The following NLRC5 variants were observed in gnomAD, a reference collection of about 807,000 sequenced individuals.
The protein encoded by NLRC5 is protein NLRC5.
Under a neutral mutation model 206.9 loss-of-function variants are expected in NLRC5, and 114 were observed. The ratio of observed to expected loss-of-function variants is 0.55; its 90% CI spans 0.47 to 0.64. The LOEUF is 0.64. NLRC5 is among the 30% of genes least tolerant of loss of function. The pLI is 0.00. For missense variants in NLRC5, 2,008 were observed against 2,305.5 expected (o/e 0.87, Z 2.64); for synonymous variants, 952 against 962.8 (o/e 0.99, Z 0.21).
Position 57,037,297 on chromosome 16 carries a change from T to C in NLRC5, c.2801+13T>C, listed in dbSNP as rs9926871. 0.11 allele frequency: 170,996 copies of C among 1,606,736 alleles called. 10,319 individuals are homozygous for C. The highest frequency in any genetic ancestry group is 0.21 in the African/African-American group (15,876 of 74,230). On this transcript the variant is annotated intron_variant, in intron 15 of 48. Transcript: ENST00000688547. ...AGCTGCACATCAGGTGGGAGCTCCC[T>C]CAGACCACGGTACCCATCCCCCCCC... is the stretch of plus-strand genomic sequence containing the variant.
intron 23 of NLRC5, chr16:57,047,917 C>T (rs2064223313): frequency 4.3e-6 from 2 of 461,514 alleles, no homozygotes; most frequent in East Asian, 7.2e-5. Context: ...ACCTCCAACC[C>T]CACCCCTGGA....
intron 1 of NLRC5, among the ~76,000 whole-genome samples, chr16:56,993,964 T>TAA (rs11392865): frequency 0.26 from 35,055 of 137,270 alleles, 5,281 homozygotes; most frequent in East Asian, 0.47. Context: ...CTGTTTTTTG[T>TAA]AAAAAAAAAA....
intron 1 of NLRC5, among the ~76,000 whole-genome samples, chr16:57,014,683 C>T (rs540107957): frequency 2.0e-5 from 3 of 152,198 alleles, no homozygotes; most frequent in South Asian, 4.1e-4. Flanking sequence ...TTTCTGTGGT[C>T]GAAGGCAAGT....
chr16:57,025,238 C>G, intron 5 of NLRC5, 130 bp from the exon 6 acceptor site: 1 of 1,441,020 alleles, frequency 6.9e-7, no homozygotes, highest in Non-Finnish European at 9.1e-7. Flanking sequence ...GCTCTTGACA[C>G]CCCCACCCTC....
chr16:57,017,458 A>G (rs1397563806), intron 2 of NLRC5, among the ~76,000 whole-genome samples: 1 of 152,224 alleles, frequency 6.6e-6, no homozygotes, highest in Non-Finnish European at 1.5e-5. Context: ...TCAAGGTCAC[A>G]CTATGAGTGT....
At chr16:57,067,569 G>T in intron 35 of NLRC5, 99 bp downstream of exon 35, 1 of 1,417,036 alleles carries the variant, frequency 7.1e-7, no homozygotes, top group South Asian at 1.2e-5. Context: ...ACTTCCTTGT[G>T]CAGGAGAAAA....
chr16:57,031,511 T>C (rs777623313), intron 11 of NLRC5, 48 bp downstream of exon 11: 11 of 1,596,640 alleles, frequency 6.9e-6, no homozygotes, highest in African/African-American at 4.0e-5. Context: ...TAGAAGCAAC[T>C]TGGGCTCAGG....
chr16:57,031,771 A>G (rs529713897), intron 11 of NLRC5, among the ~76,000 whole-genome samples: 22 of 148,342 alleles, frequency 1.5e-4, no homozygotes, highest in Non-Finnish European at 2.2e-4. Context: ...AACTCTGGAA[A>G]AGCCCTTACA....
At chr16:56,996,608 CA>C (rs544211333) in intron 1 of NLRC5, among the ~76,000 whole-genome samples, 1 of 151,636 alleles carries the variant, frequency 6.6e-6, no homozygotes, top group Non-Finnish European at 1.5e-5. Flanking sequence ...TCAGATAAGT[CA>C]AAAAAAATCT....
At chr16:57,011,238 C>G (rs1281304247) in intron 1 of NLRC5, among the ~76,000 whole-genome samples, 3 of 151,392 alleles carry the variant, frequency 2.0e-5, no homozygotes, top group Non-Finnish European at 4.4e-5. Context: ...TATGGTGAAA[C>G]CCCGTCTCTA....
At chr16:56,992,864 AAATT>A (rs2057077819) in intron 1 of NLRC5, among the ~76,000 whole-genome samples, 2 of 140,972 alleles carry the variant, frequency 1.4e-5, no homozygotes, top group Admixed American at 1.4e-4. Flanking sequence ...CGTTAAAGGG[AAATT>A]AAATCTTATT....
chr16:57,070,489 G>A, intron 37 of NLRC5, 46 bp from the exon 38 acceptor site: 1 of 1,552,414 alleles, frequency 6.4e-7, no homozygotes, highest in Non-Finnish European at 8.9e-7. Context: ...CAGCTCCAGG[G>A]CTGGGCAGGC....
At position 57,074,596 on chromosome 16, in the gene NLRC5, C is replaced by G. The variant is rs534923582; in HGVS notation, c.4668-4C>G. ...TCAAGTTCACCTGGCCTCCTCTTCT[C>G]CAGCCTCAGTCACCTTCTGCTGAAC... is the stretch of plus-strand genomic sequence containing the variant. On this transcript the variant is annotated splice_polypyrimidine_tract_variant and splice_region_variant and intron_variant, in intron 38 of 48. Transcript: ENST00000688547. 1.9e-6 allele frequency: 3 copies of G among 1,613,816 alleles called. No homozygotes were observed. The East Asian group carries it at 6.7e-5, about 36-fold the overall frequency.
At chr16:57,071,257 G>T (rs1328367627) in intron 38 of NLRC5, among the ~76,000 whole-genome samples, 3 of 149,156 alleles carry the variant, frequency 2.0e-5, no homozygotes, top group African/African-American at 7.4e-5. Context: ...ATGGGGAAGG[G>T]TTGTGAGTGA....
chr16:57,006,411 C>CCTT, intron 1 of NLRC5, among the ~76,000 whole-genome samples: 1 of 55,722 alleles, frequency 1.8e-5, no homozygotes, highest in Non-Finnish European at 4.0e-5. Flanking sequence ...CATCTTCATC[C>CCTT]TCTTTTTTTT....
chr16:57,057,116 T>C (rs1001962064), intron 27 of NLRC5, among the ~76,000 whole-genome samples: 4 of 152,210 alleles, frequency 2.6e-5, no homozygotes, highest in Non-Finnish European at 5.9e-5. Flanking sequence ...GGTTATATTA[T>C]TTCTGAAACT....
At chr16:57,059,580 G>C in intron 30 of NLRC5, 48 bp downstream of exon 30, 1 of 1,535,974 alleles carries the variant, frequency 6.5e-7, no homozygotes, top group Non-Finnish European at 8.8e-7. Context: ...GGGAGAGGAG[G>C]CTGACCCTAT....
chr16:57,053,374 G>A (rs1458696396), intron 24 of NLRC5, among the ~76,000 whole-genome samples: 2 of 152,298 alleles, frequency 1.3e-5, no homozygotes, highest in South Asian at 2.1e-4. Flanking sequence ...GCGCGGAACC[G>A]AGACAGCCAG....
chr16:57,045,572 C>T (rs2063838125), intron 21 of NLRC5, 80 bp downstream of exon 21: 2 of 1,370,212 alleles, frequency 1.5e-6, no homozygotes, highest in South Asian at 1.2e-5. Flanking sequence ...ACCCCCAGAC[C>T]CATGCTGACC....
Sources: allele counts gnomAD v4.1 joint callset (sites outside exome capture counted in the v4.1 genomes callset), GRCh38; gene constraint gnomAD v4.1.1; transcripts MANE v1.5; gene names NCBI Gene and HGNC (gene_info 2026-07-23, HGNC 2026-07-21).